The following PDE1C variants were observed in gnomAD, a reference collection of about 807,000 sequenced individuals.
PDE1C encodes the protein phosphodiesterase 1C.
A neutral mutation model predicts 93.1 loss-of-function variants in PDE1C; 62 were observed. That is an observed-to-expected ratio of 0.67 (90% confidence interval 0.54 to 0.82). PDE1C has a LOEUF of 0.82. Ranked by LOEUF, PDE1C falls within the 40% of genes least tolerant of loss-of-function variation. PDE1C has a pLI of 0.00. For synonymous variants in PDE1C, 325 were observed against 310.1 expected, an observed-to-expected ratio of 1.05 and a Z score of -0.50; for missense variants, 742 against 884.6, an observed-to-expected ratio of 0.84 and a Z score of 2.04.
chr7:32,380,681 G>T (rs1215348319), intron 1 of PDE1C, among the ~76,000 whole-genome samples: 2 of 151,998 alleles, frequency 1.3e-5, no homozygotes, highest in African/African-American at 4.8e-5. Flanking sequence ...CCTGCAGCCT[G>T]TGACACACTT....
At chr7:31,666,598 T>C in the PDE1C span, among the ~76,000 whole-genome samples, 2 of 152,144 alleles carry the variant, frequency 1.3e-5, no homozygotes, top group African/African-American at 4.8e-5. Context: ...ATCAGTTGCT[T>C]TTTAAAGTCA....
intron 3 of PDE1C, among the ~76,000 whole-genome samples, chr7:32,167,018 G>A (rs149710323): frequency 6.6e-6 from 1 of 152,230 alleles, no homozygotes; most frequent in African/African-American, 2.4e-5. Context: ...TGAGTTTTTT[G>A]GGTTAAGCCT....
At chr7:32,085,205 T>A (rs898909643) in intron 3 of PDE1C, among the ~76,000 whole-genome samples, 8 of 151,364 alleles carry the variant, frequency 5.3e-5, no homozygotes, top group African/African-American at 1.7e-4. Flanking sequence ...CAAACTACCA[T>A]CAGAGAATAC....
At chr7:31,745,437 GA>G in the PDE1C span, among the ~76,000 whole-genome samples, 1 of 152,152 alleles carries the variant, frequency 6.6e-6, no homozygotes, top group East Asian at 1.9e-4. Flanking sequence ...TGCTCTCCAG[GA>G]AATGATAATA....
intron 1 of PDE1C, among the ~76,000 whole-genome samples, chr7:32,222,839 C>T (rs1326111511): frequency 6.6e-6 from 1 of 152,192 alleles, no homozygotes; most frequent in African/African-American, 2.4e-5. Flanking sequence ...CCCCAGATTT[C>T]ACCATCTCAG....
At chr7:32,421,018 G>A (rs34545272) in intron 1 of PDE1C, among the ~76,000 whole-genome samples, 46,102 of 151,936 alleles carry the variant, frequency 0.3, 7,276 homozygotes, top group East Asian at 0.47. Context: ...TCAAAAGGAT[G>A]CTGTGAACAC....
the PDE1C span, among the ~76,000 whole-genome samples, chr7:31,622,933 A>G: frequency 6.6e-6 from 1 of 152,190 alleles, no homozygotes; most frequent in African/African-American, 2.4e-5. Flanking sequence ...TATCACCACC[A>G]ATCCCACAGA....
At chr7:31,843,427 C>A in intron 9 of PDE1C, among the ~76,000 whole-genome samples, 1 of 151,886 alleles carries the variant, frequency 6.6e-6, no homozygotes, top group East Asian at 1.9e-4. Context: ...TGATGACACT[C>A]TTATTATCAG....
chr7:31,916,963 T>C (rs1347713912), intron 2 of PDE1C, among the ~76,000 whole-genome samples: 2 of 152,082 alleles, frequency 1.3e-5, no homozygotes, highest in Non-Finnish European at 2.9e-5. Flanking sequence ...CTTCTATCAA[T>C]CCTGGTGTAA....
chr7:31,977,866 A>C (rs1344673861), intron 2 of PDE1C, among the ~76,000 whole-genome samples: 2 of 152,172 alleles, frequency 1.3e-5, no homozygotes, highest in East Asian at 1.9e-4. Context: ...GAAAAAAGCC[A>C]CCACTGACTT....
chr7:32,056,463 A>C (rs1179681991), intron 1 of PDE1C, among the ~76,000 whole-genome samples: 1 of 151,502 alleles, frequency 6.6e-6, no homozygotes, highest in Non-Finnish European at 1.5e-5. Context: ...CATACTGCTC[A>C]AGATCACTTG....
intron 4 of PDE1C, 42 bp downstream of exon 4, chr7:31,878,954 T>C (rs1796930524): frequency 6.4e-7 from 1 of 1,572,798 alleles, no homozygotes; most frequent in South Asian, 1.1e-5. Context: ...CGTGTTGCTT[T>C]GGCTGCTTTA....
At chr7:32,368,309 C>T (rs1252075231) in intron 1 of PDE1C, among the ~76,000 whole-genome samples, 1 of 152,050 alleles carries the variant, frequency 6.6e-6, no homozygotes, top group Non-Finnish European at 1.5e-5. Context: ...AGCAAAATTG[C>T]AGCATACAAA....
At chr7:31,692,616 C>T in the PDE1C span, 3 of 1,148,704 alleles carry the variant, frequency 2.6e-6, no homozygotes, top group African/African-American at 1.5e-5. Flanking sequence ...AGAGAGGGCA[C>T]CCCCCGAAAC....
chr7:31,674,426 T>G, the PDE1C span, among the ~76,000 whole-genome samples: 2 of 152,060 alleles, frequency 1.3e-5, no homozygotes, highest in Non-Finnish European at 2.9e-5. Flanking sequence ...CATAACGAAA[T>G]GTTAGAAATG....
chr7:32,258,398 C>G (rs1228955781), intron 1 of PDE1C, among the ~76,000 whole-genome samples: 1 of 152,204 alleles, frequency 6.6e-6, no homozygotes, highest in East Asian at 1.9e-4. Flanking sequence ...TTACTTGCAT[C>G]TTCCATACAG....
chr7:32,366,771 A>G (rs1784236595), intron 1 of PDE1C, among the ~76,000 whole-genome samples: 1 of 152,106 alleles, frequency 6.6e-6, no homozygotes, highest in Non-Finnish European at 1.5e-5. Flanking sequence ...TATATTCAAA[A>G]TACTGAAAGA....
intron 14 of PDE1C, among the ~76,000 whole-genome samples, chr7:31,820,028 C>T (rs1383597690): frequency 6.6e-6 from 1 of 152,034 alleles, no homozygotes; most frequent in Non-Finnish European, 1.5e-5. Flanking sequence ...GAAAGAAGTG[C>T]TCCAGCTGAC....
At chr7:32,060,625 T>C (rs531021604) in intron 1 of PDE1C, among the ~76,000 whole-genome samples, 83 of 152,184 alleles carry the variant, frequency 5.5e-4, no homozygotes, top group Non-Finnish European at 9.8e-4. Flanking sequence ...CAGATGAGCA[T>C]TGGAAGCAAA....
Sources: allele counts gnomAD v4.1 joint callset (sites outside exome capture counted in the v4.1 genomes callset), GRCh38; gene constraint gnomAD v4.1.1; transcripts MANE v1.5; gene names NCBI Gene and HGNC (gene_info 2026-07-23, HGNC 2026-07-21).